AGO4: variants seen among roughly 807,000 people sequenced by gnomAD.
AGO4 encodes the protein argonaute RISC component 4.
Under a neutral mutation model 104.7 loss-of-function variants are expected in AGO4, and 33 were observed. That is an observed-to-expected ratio of 0.32 (90% CI 0.24 to 0.42). AGO4 has a LOEUF of 0.42. Among genes scored for constraint, AGO4 ranks in the 10% least tolerant of loss-of-function variants. The pLI is 1.00. For missense variants in AGO4, 711 were observed against 1,083.4 expected (o/e 0.66, Z 4.83); for synonymous variants, 331 against 364.7 (o/e 0.91, Z 1.05).
At chr1:35,850,830 T>TA in intron 16 of AGO4, 24 bp from the exon 17 acceptor site, 3 of 637,072 alleles carry the variant, frequency 4.7e-6, no homozygotes, top group South Asian at 2.2e-5. Flanking sequence ...AAAAAAAACA[T>TA]TAATCATAAA....
chr1:35,826,642 T>C, intron 6 of AGO4, 106 bp from the exon 7 acceptor site: 2 of 1,047,800 alleles, frequency 1.9e-6, no homozygotes, highest in Non-Finnish European at 2.9e-6. Context: ...ATTCTTGCAA[T>C]TTTTATCCTG....
chr1:35,815,188 T>G (rs1013969532), intron 1 of AGO4, among the ~76,000 whole-genome samples: 1 of 152,208 alleles, frequency 6.6e-6, no homozygotes, highest in African/African-American at 2.4e-5. Context: ...CAGAACAACT[T>G]CTTGCTTCCA....
intron 1 of AGO4, among the ~76,000 whole-genome samples, chr1:35,812,022 C>T (rs1643525279): frequency 6.6e-6 from 1 of 151,968 alleles, no homozygotes; most frequent in Admixed American, 6.6e-5. Flanking sequence ...CAACGTCATG[C>T]AATTAGGGAG....
chr1:35,836,164 GCCTT>G, intron 13 of AGO4, among the ~76,000 whole-genome samples, 171 bp downstream of exon 13: 1 of 152,250 alleles, frequency 6.6e-6, no homozygotes, highest in South Asian at 2.1e-4. Flanking sequence ...CACCCCATCA[GCCTT>G]CCTTATGGCC....
intron 15 of AGO4, among the ~76,000 whole-genome samples, chr1:35,845,679 C>T (rs1644555948): frequency 6.6e-6 from 1 of 152,144 alleles, no homozygotes; most frequent in Admixed American, 6.5e-5. Flanking sequence ...TATTTCCAGC[C>T]CCAATCTACT....
chr1:35,814,161 A>C (rs1473262041), intron 1 of AGO4, among the ~76,000 whole-genome samples: 1 of 151,816 alleles, frequency 6.6e-6, no homozygotes, highest in Non-Finnish European at 1.5e-5. Flanking sequence ...AAGGGAAGGA[A>C]GGAGAGAGAA....
In AGO4 at chr1:35,818,654, A is replaced by AAGG. The variant is rs1557552190; in HGVS notation, c.185+1608_185+1609insGGA. 8.6e-3 allele frequency among the ~76,000 whole-genome samples: 818 copies of AAGG among 95,038 alleles called. 20 individuals carry two copies. The highest frequency in any genetic ancestry group is 0.081 in the East Asian group (255 of 3,150). 62.3% of individuals were successfully genotyped at this position (95,038 alleles called of 152,430 possible). Reference sequence around the variant, plus strand: ...GAAAGAAAGAAAGAAAGAAAGAAAGAAAGAAAGGAAGAAAGGAAGGAAGGA... The same window carrying AAGG: ...GAAAGAAAGAAAGAAAGAAAGAAAGAAGGAAGAAAGGAAGAAAGGAAGGAAGGA... On this transcript the variant is annotated intron_variant, in intron 2 of 17. Transcript: ENST00000373210.
chr1:35,825,289 G>T, intron 3 of AGO4, 24 bp from the exon 4 acceptor site: 1 of 1,607,114 alleles, frequency 6.2e-7, no homozygotes, highest in South Asian at 1.1e-5. Context: ...ATTTGTGTTT[G>T]TATTCATGTA....
chr1:35,853,265 A>AG (rs1175701723), intron 17 of AGO4, among the ~76,000 whole-genome samples: 10 of 151,548 alleles, frequency 6.6e-5, no homozygotes, highest in South Asian at 2.1e-4. Context: ...AAAAAAAAAA[A>AG]AAAGAAATTC....
chr1:35,815,243 T>C lies in AGO4; in HGVS notation c.20-1639T>C, dbSNP rs566317198. 1.7e-4 allele frequency among the ~76,000 whole-genome samples: 26 copies of C among 152,322 alleles called. 1 individual carries two copies. The highest frequency in any genetic ancestry group is 3.1e-4 in the African/African-American group (13 of 41,576). On this transcript the variant is annotated intron_variant, in intron 1 of 17. Coordinates refer to ENST00000373210, the MANE Select transcript of AGO4 (RefSeq NM_017629.4). ...AGTCTTTGTTCTCAGTGAAATGCCATTGCAGTAACAGAACCTGTTGTAACT... is the reference window on the plus strand; with the variant it reads ...AGTCTTTGTTCTCAGTGAAATGCCACTGCAGTAACAGAACCTGTTGTAACT...
intron 1 of AGO4, among the ~76,000 whole-genome samples, chr1:35,812,956 T>G (rs1643558077): frequency 6.6e-6 from 1 of 152,220 alleles, no homozygotes; most frequent in Admixed American, 6.5e-5. Context: ...AGAGTTGACT[T>G]ATTTTTATGA....
chr1:35,831,575 G>A lies in AGO4; in HGVS notation c.996+1G>A. The A allele has an allele frequency of 6.2e-7, 1 of 1,608,070 alleles. No individual in the cohort carries two copies. The highest frequency in any genetic ancestry group is 8.5e-7 in the Non-Finnish European group (1 of 1,178,524). On this transcript the variant is annotated splice_donor_variant, in intron 8 of 17. Coordinates refer to ENST00000373210, the MANE Select transcript of AGO4 (RefSeq NM_017629.4). LOFTEE classifies it high-confidence loss of function. ...AAAGCATACATACTTGCCACTCGAG[G>A]TAAGTTAAATTTTCTTTTGCCAATT...
chr1:35,833,418 A>G (rs1162856364), intron 11 of AGO4, among the ~76,000 whole-genome samples: 1 of 152,262 alleles, frequency 6.6e-6, no homozygotes, highest in Non-Finnish European at 1.5e-5. Flanking sequence ...ACATAGATTG[A>G]AGTAACTTCT....
chr1:35,853,236 G>A (rs1255130423), intron 17 of AGO4, among the ~76,000 whole-genome samples: 3 of 137,864 alleles, frequency 2.2e-5, no homozygotes, highest in Non-Finnish European at 4.6e-5. Flanking sequence ...GGGAGACAGC[G>A]AGACTCTGTC....
chr1:35,845,196 CTTT>C (rs35260905), intron 15 of AGO4, among the ~76,000 whole-genome samples: 1 of 11,696 alleles, frequency 8.5e-5, no homozygotes, highest in African/African-American at 3.6e-4. Context: ...TGTAATCAGA[CTTT>C]TTTTTTTTTT....
intron 1 of AGO4, among the ~76,000 whole-genome samples, chr1:35,809,820 A>T (rs1054267217): frequency 6.6e-6 from 1 of 152,218 alleles, no homozygotes; most frequent in African/African-American, 2.4e-5. Context: ...TGTTGAGAGA[A>T]TGAAATGAGA....
Position 35,855,692 on chromosome 1 carries a change from T to C in AGO4, c.*2087T>C, listed in dbSNP as rs1210822306. On this transcript the variant is annotated 3_prime_UTR_variant, in exon 18 of 18. Transcript: ENST00000373210. ...TTTTGCAAATACCTCACTTGGATAA[T>C]ACAAATCAGGACATGTTGGTGAGGG... is the stretch of plus-strand genomic sequence containing the variant. 3 of 144,658 alleles carry C rather than the reference T, an allele frequency of 2.1e-5. No homozygotes were observed. Among genetic ancestry groups the C allele is most frequent in the Non-Finnish European group, 4.5e-5 (3 of 66,606 alleles). The allele number at this position is 144,658 out of a possible 1,614,324, so 9.0% of individuals were successfully genotyped here.
rs567705995 is a variant in AGO4, at chr1:35,848,797, A to G, written c.2176-1360A>G. Among the ~76,000 whole-genome samples the G allele has an allele frequency of 4.6e-5, 7 of 152,300 alleles. No homozygotes were observed. In the East Asian group the frequency reaches 9.6e-4, roughly 21 times the overall value. ...ATATTTCTCAGGTTTGTTTCACCATAAAATACCTAAACACATCCTGCAAAG... is the reference window on the plus strand; with the variant it reads ...ATATTTCTCAGGTTTGTTTCACCATGAAATACCTAAACACATCCTGCAAAG... On this transcript the variant is annotated intron_variant, in intron 15 of 17. Coordinates refer to ENST00000373210, the MANE Select transcript of AGO4 (RefSeq NM_017629.4).
At chr1:35,838,460 T>A (rs911091848) in intron 13 of AGO4, among the ~76,000 whole-genome samples, 9 of 152,190 alleles carry the variant, frequency 5.9e-5, no homozygotes, top group African/African-American at 1.9e-4. Context: ...GTGTTGGAAT[T>A]ATAGACGTGA....
Sources: allele counts gnomAD v4.1 joint callset (sites outside exome capture counted in the v4.1 genomes callset), GRCh38; gene constraint gnomAD v4.1.1; transcripts MANE v1.5; gene names NCBI Gene and HGNC (gene_info 2026-07-23, HGNC 2026-07-21).